DLAT: variants seen among roughly 807,000 people sequenced by gnomAD.
DLAT encodes dihydrolipoyllysine-residue acetyltransferase component of pyruvate dehydrogenase complex, mitochondrial.
A neutral mutation model predicts 68.0 loss-of-function variants in DLAT; 43 were observed. The ratio of observed to expected loss-of-function variants is 0.63; its 90% CI spans 0.50 to 0.81. The LOEUF (loss-of-function observed/expected upper bound fraction) is 0.81, where lower values mean the gene tolerates loss of function less well. Among genes scored for constraint, DLAT ranks in the 40% least tolerant of loss-of-function variants. The probability of loss-of-function intolerance (pLI) is 0.00; values close to 1 mark genes in which losing one functional copy is unlikely to be tolerated. For missense variants in DLAT, 745 were observed against 815.4 expected (o/e 0.91, Z 1.05); for synonymous variants, 265 against 288.6 (o/e 0.92, Z 0.83).
intron 2 of DLAT, among the ~76,000 whole-genome samples, chr11:112,027,973 G>A (rs1411086869): frequency 4.0e-5 from 6 of 151,478 alleles, no homozygotes; most frequent in African/African-American, 1.2e-4. Context: ...TTAAAGTAAC[G>A]GAGATGAGTT....
At chr11:112,029,864 C>T in intron 4 of DLAT, 1 of 617,262 alleles carries the variant, frequency 1.6e-6, no homozygotes, top group Non-Finnish European at 3.2e-6. Flanking sequence ...GAGATCACCA[C>T]AGTAGTTTGG....
At chr11:112,045,581 G>A (rs1348207154) in intron 9 of DLAT, among the ~76,000 whole-genome samples, 9 of 151,968 alleles carry the variant, frequency 5.9e-5, no homozygotes, top group African/African-American at 2.2e-4. Context: ...CCAAGTACTC[G>A]GGACGCTGAG....
At position 112,051,145 on chromosome 11, in the gene DLAT, A is replaced by AGG. The variant is rs1863604445; in HGVS notation, c.1399-89_1399-88insGG. ...ATGGCACATGTTTACCTATATAATA[A>AGG]ACCTGGACATTCTGCACATGCACCC... On this transcript the variant is annotated intron_variant, in intron 10 of 13. Coordinates refer to ENST00000280346, the MANE Select transcript of DLAT (RefSeq NM_001931.5). This position sits in a 1 kb window ranked among gnomAD's most constrained non-coding sequence, Gnocchi z 4.3. The AGG allele has an allele frequency of 1.1e-6, 1 of 891,284 alleles. No individual in the cohort carries two copies. Among genetic ancestry groups the AGG allele is most frequent in the African/African-American group, 1.7e-5 (1 of 58,766 alleles). 55.2% of individuals were successfully genotyped at this position (891,284 alleles called of 1,614,324 possible). A position where few individuals can be genotyped will look rare whatever the true frequency, so the allele number is the denominator to read the frequency against.
chr11:112,045,208 T>G lies in DLAT; in HGVS notation c.1268T>G (p.Ile423Ser). ...GTTCCTACAGGTGTCTTCACAGATA[T>G]CCCAATCAGCAACATTCGTCGGGTA... The part of the protein sequence containing the change: ...APVPTGVFTD[I>S]PISNIRRVIA... The change falls in exon 9 of 14, where the codon ATC becomes AGC. Residue 423 changes from isoleucine (I) to serine (S), a missense_variant. By Grantham distance (142) the Ile-to-Ser change is moderately radical. Coordinates refer to ENST00000280346, the MANE Select transcript of DLAT (RefSeq NM_001931.5). The G allele has an allele frequency of 6.2e-7, 1 of 1,614,022 alleles. No homozygotes were observed. The highest frequency in any genetic ancestry group is 8.5e-7 in the Non-Finnish European group (1 of 1,179,948).
intron 2 of DLAT, 51 bp from the exon 3 acceptor site, chr11:112,028,464 A>C: frequency 1.3e-6 from 2 of 1,599,728 alleles, no homozygotes; most frequent in Non-Finnish European, 1.7e-6. Context: ...ACAAGCTAAT[A>C]AATTACATAC....
Position 112,060,015 on chromosome 11 carries a change from T to C in DLAT, c.1627T>C (p.Ser543Pro), listed in dbSNP as rs1371372137. 9.9e-6 allele frequency: 16 copies of C among 1,614,028 alleles called. No homozygotes were observed. Among genetic ancestry groups the C allele is most frequent in the African/African-American group, 2.7e-5 (2 of 74,924 alleles). Residue 543 changes from serine to proline, a missense_variant, in exon 12 of 14, where the codon TCT (serine) becomes CCT (proline). Coordinates refer to ENST00000280346, the MANE Select transcript of DLAT (RefSeq NM_001931.5). ...GVETIANDVV[S>P]LATKAREGKL... ...GGAAACCATTGCTAATGATGTTGTTTCTTTAGCAACCAAAGCAAGAGAGGG... is the reference window on the plus strand; with the variant it reads ...GGAAACCATTGCTAATGATGTTGTTCCTTTAGCAACCAAAGCAAGAGAGGG...
chr11:112,043,004 T>C (rs1555181096), intron 7 of DLAT, among the ~76,000 whole-genome samples: 1 of 152,256 alleles, frequency 6.6e-6, no homozygotes, highest in East Asian at 1.9e-4. Flanking sequence ...TTCTTTATGG[T>C]CACATAAATC....
chr11:112,035,757 G>A (rs587675977), intron 5 of DLAT, among the ~76,000 whole-genome samples: 150 of 147,206 alleles, frequency 1.0e-3, no homozygotes, highest in African/African-American at 3.6e-3. Flanking sequence ...CAAAGTGCTG[G>A]GATTACAGGC....
intron 5 of DLAT, among the ~76,000 whole-genome samples, chr11:112,036,167 A>ATGTGTGTGTGTGTG (rs1311809853): frequency 6.1e-5 from 5 of 82,572 alleles, no homozygotes; most frequent in Admixed American, 5.2e-4. Flanking sequence ...GTGTGTATAT[A>ATGTGTGTGTGTGTG]TGTGTGTGTG....
chr11:112,044,040 A>G (rs781915535), intron 8 of DLAT, among the ~76,000 whole-genome samples: 8 of 152,254 alleles, frequency 5.3e-5, no homozygotes, highest in Admixed American at 2.0e-4. Context: ...TCATTTATAT[A>G]CAAGATCAAA....
chr11:112,045,050 A>AT (rs1863233441), intron 8 of DLAT, 88 bp from the exon 9 acceptor site: 5 of 1,061,586 alleles, frequency 4.7e-6, no homozygotes, highest in Non-Finnish European at 7.3e-6. Context: ...ACAAAAAAAA[A>AT]AAACTGCATA....
chr11:112,039,105 A>G, intron 6 of DLAT, 139 bp from the exon 7 acceptor site: 2 of 824,150 alleles, frequency 2.4e-6, no homozygotes, highest in Non-Finnish European at 3.5e-6. Flanking sequence ...CGAAAAGTAC[A>G]TTATGATCTT....
At chr11:112,035,020 C>T (rs148871049) in intron 5 of DLAT, among the ~76,000 whole-genome samples, 3 of 152,144 alleles carry the variant, frequency 2.0e-5, no homozygotes, top group African/African-American at 7.2e-5. Context: ...AGGTGATCTG[C>T]CTGCCTCGGC....
intron 2 of DLAT, among the ~76,000 whole-genome samples, chr11:112,026,508 T>TA (rs1471614802): frequency 6.6e-6 from 1 of 151,898 alleles, no homozygotes; most frequent in African/African-American, 2.4e-5. Flanking sequence ...TACTTGAGAT[T>TA]AGGGAGTGGT....
At position 112,052,431 on chromosome 11, in the gene DLAT, T is replaced by C. The variant is rs587684550; in HGVS notation, c.1514+1082T>C. Among the ~76,000 whole-genome samples the C allele has an allele frequency of 3.3e-5, 5 of 152,304 alleles. No individual in the cohort carries two copies. In the South Asian group the frequency reaches 1.0e-3, roughly 32 times the overall value. ...TTGTAACTGACTGGCTACAAACTTG[T>C]TGCTGTGACCTCTTCCTTGGGTTTG... On this transcript the variant is annotated intron_variant, in intron 11 of 13. Coordinates refer to ENST00000280346, the MANE Select transcript of DLAT (RefSeq NM_001931.5).
intron 11 of DLAT, among the ~76,000 whole-genome samples, chr11:112,059,060 A>T (rs587690533): frequency 6.6e-6 from 1 of 152,194 alleles, no homozygotes; most frequent in African/African-American, 2.4e-5. Context: ...GTAAAAAAAA[A>T]AAAAAGATTG....
chr11:112,042,657 G>C (rs1863106625), intron 7 of DLAT, among the ~76,000 whole-genome samples: 1 of 152,188 alleles, frequency 6.6e-6, no homozygotes, highest in Non-Finnish European at 1.5e-5. Flanking sequence ...TAAAGGTCAA[G>C]ATTATCTACT....
Position 112,037,348 on chromosome 11 carries a change from C to T in DLAT, c.863C>T (p.Thr288Ile), listed in dbSNP as rs782018716. 2.4e-5 allele frequency: 38 copies of T among 1,614,126 alleles called. No homozygotes were observed. The highest frequency in any genetic ancestry group is 3.2e-5 in the Non-Finnish European group (38 of 1,180,002). The change falls in exon 6 of 14, where the codon ACC (threonine) becomes ATC (isoleucine). Residue 288 changes from threonine to isoleucine, a missense_variant. Thr to Ile is a moderately conservative substitution (Grantham distance 89, BLOSUM62 -1). Transcript: ENST00000280346. ...GGCACAAGAGATGTCCCTCTAGGAA[C>T]CCCACTCTGTATCATTGTAGAAAAA... ...PEGTRDVPLGTPLCIIVEKEA... is the reference protein window; with the variant it reads ...PEGTRDVPLGIPLCIIVEKEA...
chr11:112,028,579 T>G lies in DLAT; in HGVS notation c.446T>G (p.Leu149Arg). ...GAGGAGTGTTATATGGCAAAGATAC[T>G]TGTTGCTGAAGGTACCAGGGATGTT... The part of the protein sequence containing the change: ...SLEECYMAKI[L>R]VAEGTRDVPI... Residue 149 changes from leucine to arginine, a missense_variant, in exon 3 of 14, where the codon CTT becomes CGT. Physicochemically the swap from Leu to Arg is moderately radical, Grantham distance 102 (BLOSUM62 -2). Coordinates refer to ENST00000280346, the MANE Select transcript of DLAT (RefSeq NM_001931.5). 1 of 1,614,158 alleles carries G rather than the reference T, an allele frequency of 6.2e-7. No individual in the cohort carries two copies. The highest frequency in any genetic ancestry group is 1.3e-5 in the African/African-American group (1 of 75,036).
Sources: allele counts gnomAD v4.1 joint callset (sites outside exome capture counted in the v4.1 genomes callset), GRCh38; gene constraint gnomAD v4.1.1; non-coding constraint Gnocchi (gnomAD v3.1); transcripts MANE v1.5; gene names NCBI Gene and HGNC (gene_info 2026-07-23, HGNC 2026-07-21).